The following GRID1 variants were observed in gnomAD, a reference collection of about 807,000 sequenced individuals.
GRID1 encodes glutamate receptor ionotropic, delta-1.
Under a neutral mutation model 98.0 loss-of-function variants are expected in GRID1, and 28 were observed. The observed-to-expected ratio is 0.29, with a 90% confidence interval of 0.21 to 0.39. The LOEUF (loss-of-function observed/expected upper bound fraction) is 0.39. Ranked by LOEUF, GRID1 falls within the 10% of genes least tolerant of loss-of-function variation. GRID1 has a pLI of 1.00. For missense variants in GRID1, 1,111 were observed against 1,340.5 expected (o/e 0.83, Z 2.67); for synonymous variants, 553 against 538.5 (o/e 1.03, Z -0.37).
Position 85,617,669 on chromosome 10 carries a change from T to G in GRID1, c.2360+2198A>C, listed in dbSNP as rs545651557. On this transcript the variant is annotated intron_variant, in intron 14 of 15. Coordinates refer to ENST00000327946, the MANE Select transcript of GRID1 (RefSeq NM_017551.3). ...GTGGGAAGCCAGCACAGGCCACTGGTGACATTTCCTTATAATCACAGAGCA... is the reference window on the plus strand; with the variant it reads ...GTGGGAAGCCAGCACAGGCCACTGGGGACATTTCCTTATAATCACAGAGCA... Among the ~76,000 whole-genome samples the G allele has an allele frequency of 5.9e-5, 9 of 152,320 alleles. No homozygotes were observed. In the South Asian group the frequency reaches 1.9e-3, roughly 32 times the overall value.
intron 12 of GRID1, among the ~76,000 whole-genome samples, chr10:85,651,961 A>G (rs1843277027): frequency 6.6e-6 from 1 of 152,206 alleles, no homozygotes; most frequent in South Asian, 2.1e-4. Context: ...TTTGGGACCA[A>G]TGCAAGCTGT....
In GRID1 at chr10:86,282,689, A is replaced by C. The variant is rs530925898; in HGVS notation, c.236-76041T>G. ...ACAGAGAGTGCTGGCCTCTATCACT[A>C]GACACCCCCTAAATTCAGGGATTGT... On this transcript the variant is annotated intron_variant, in intron 2 of 15. Coordinates refer to ENST00000327946, the MANE Select transcript of GRID1 (RefSeq NM_017551.3). 3.5e-4 allele frequency among the ~76,000 whole-genome samples: 54 copies of C among 152,212 alleles called. No homozygotes were observed. The South Asian group carries it at 0.011, about 30-fold the overall frequency.
intron 13 of GRID1, among the ~76,000 whole-genome samples, chr10:85,632,261 G>A (rs1001459084): frequency 1.8e-4 from 28 of 152,060 alleles, no homozygotes; most frequent in African/African-American, 6.5e-4. Flanking sequence ...AGGCTTCACA[G>A]ACAGCATCAA....
At chr10:85,944,311 A>C (rs1418368824) in intron 4 of GRID1, among the ~76,000 whole-genome samples, 1 of 152,234 alleles carries the variant, frequency 6.6e-6, no homozygotes, top group Non-Finnish European at 1.5e-5. Flanking sequence ...CTAATAAACA[A>C]ATAAAAATGT....
intron 3 of GRID1, among the ~76,000 whole-genome samples, chr10:86,171,499 T>A (rs1294839289): frequency 6.6e-6 from 1 of 152,208 alleles, no homozygotes; most frequent in Non-Finnish European, 1.5e-5. Context: ...GCTTTATCTC[T>A]ATTAACCGAG....
chr10:86,254,946 C>A (rs2132051449), intron 2 of GRID1, among the ~76,000 whole-genome samples: 2 of 152,342 alleles, frequency 1.3e-5, no homozygotes, highest in Non-Finnish European at 2.9e-5. Context: ...CAGATAAGGA[C>A]CAGCCCCTGG....
chr10:85,669,549 C>T (rs144967064), intron 12 of GRID1, among the ~76,000 whole-genome samples: 1 of 152,218 alleles, frequency 6.6e-6, no homozygotes, highest in Non-Finnish European at 1.5e-5. Flanking sequence ...ATACCCACAC[C>T]CTCACCCTGG....
At chr10:86,017,549 C>T (rs1200057490) in intron 4 of GRID1, among the ~76,000 whole-genome samples, 2 of 152,224 alleles carry the variant, frequency 1.3e-5, no homozygotes, top group East Asian at 3.9e-4. Context: ...TTCCCCAAAA[C>T]CCTTGAGCAG....
chr10:85,869,502 A>G (rs1237451091), intron 5 of GRID1, among the ~76,000 whole-genome samples: 1 of 152,232 alleles, frequency 6.6e-6, no homozygotes, highest in Non-Finnish European at 1.5e-5. Flanking sequence ...AGCAAGACAG[A>G]AAGGCTAACT....
rs116357976 is a variant in GRID1, at chr10:85,740,719, T to A, written c.1234-11105A>T. ...TGTGGAAATGCCTTTCATAATATATTAAAATTTTACATCTATCTGTTCACA... is the reference window on the plus strand; with the variant it reads ...TGTGGAAATGCCTTTCATAATATATAAAAATTTTACATCTATCTGTTCACA... On this transcript the variant is annotated intron_variant, in intron 8 of 15. Coordinates refer to ENST00000327946, the MANE Select transcript of GRID1 (RefSeq NM_017551.3). Among the ~76,000 whole-genome samples, 468 of 151,856 alleles carry A rather than the reference T, an allele frequency of 3.1e-3. 3 individuals are homozygous for A. The highest frequency in any genetic ancestry group is 0.011 in the African/African-American group (446 of 41,332).
intron 2 of GRID1, among the ~76,000 whole-genome samples, chr10:86,332,757 C>T (rs1336597540): frequency 2.0e-5 from 3 of 147,742 alleles, no homozygotes; most frequent in Admixed American, 6.7e-5. Context: ...ACACCGACCT[C>T]ACATCTTCCC....
At chr10:85,816,275 A>G (rs1161310668) in intron 8 of GRID1, among the ~76,000 whole-genome samples, 1 of 152,224 alleles carries the variant, frequency 6.6e-6, no homozygotes, top group Non-Finnish European at 1.5e-5. Context: ...AAAATAATCA[A>G]GATGTCCTTC....
chr10:86,028,305 A>C (rs1262384591), intron 4 of GRID1, among the ~76,000 whole-genome samples: 1 of 151,988 alleles, frequency 6.6e-6, no homozygotes, highest in Non-Finnish European at 1.5e-5. Context: ...GGGCAACTCT[A>C]CCCCTTTCAT....
In GRID1 at chr10:85,682,645, A is replaced by G. The variant is rs562028022; in HGVS notation, c.1998-35248T>C. Among the ~76,000 whole-genome samples, 3 of 152,354 alleles carry G rather than the reference A, an allele frequency of 2.0e-5. No individual in the cohort carries two copies. The East Asian group carries it at 5.8e-4, about 29-fold the overall frequency. On this transcript the variant is annotated intron_variant, in intron 12 of 15. Coordinates refer to ENST00000327946, the MANE Select transcript of GRID1 (RefSeq NM_017551.3). ...ACAGACAAACATCTTTGGTAGGTGG[A>G]AAAATAAGCTAACAGCTGTAATTTC...
At chr10:85,791,521 C>T (rs1842479353) in intron 8 of GRID1, among the ~76,000 whole-genome samples, 1 of 152,194 alleles carries the variant, frequency 6.6e-6, no homozygotes, top group South Asian at 2.1e-4. Flanking sequence ...CCTCCCTACA[C>T]TTTCTGAAAC....
chr10:85,777,111 A>G (rs1029868457), intron 8 of GRID1, among the ~76,000 whole-genome samples: 1 of 152,052 alleles, frequency 6.6e-6, no homozygotes, highest in African/African-American at 2.4e-5. Flanking sequence ...TAATTCTCCA[A>G]CCTAATGTAT....
chr10:85,763,030 G>A (rs1842161287), intron 8 of GRID1, among the ~76,000 whole-genome samples: 1 of 152,248 alleles, frequency 6.6e-6, no homozygotes, highest in Non-Finnish European at 1.5e-5. Context: ...GATAATGGAG[G>A]GGTGGACAGC....
intron 12 of GRID1, among the ~76,000 whole-genome samples, chr10:85,680,374 G>A (rs970998322): frequency 2.6e-5 from 4 of 152,066 alleles, no homozygotes; most frequent in East Asian, 1.9e-4. Context: ...GCCTATTCAC[G>A]CAGCTCATCT....
chr10:85,936,827 C>T (rs1394792296), intron 4 of GRID1, among the ~76,000 whole-genome samples: 2 of 152,154 alleles, frequency 1.3e-5, no homozygotes, highest in African/African-American at 4.8e-5. Context: ...TTTTAGAATG[C>T]CATTAATACA....
Sources: allele counts gnomAD v4.1 joint callset (sites outside exome capture counted in the v4.1 genomes callset), GRCh38; gene constraint gnomAD v4.1.1; transcripts MANE v1.5; gene names NCBI Gene and HGNC (gene_info 2026-07-23, HGNC 2026-07-21).